CNTNAP5: variants seen among roughly 807,000 people sequenced by gnomAD.
CNTNAP5 encodes contactin-associated protein-like 5.
In CNTNAP5, 72 loss-of-function variants were observed where a neutral mutation model predicts 150.2. That is an observed-to-expected ratio of 0.48 (90% CI 0.40 to 0.58). CNTNAP5 has a LOEUF of 0.58. Ranked by LOEUF, CNTNAP5 falls within the 20% of genes least tolerant of loss-of-function variation. The probability of loss-of-function intolerance (pLI) is 0.00; values close to 1 mark genes in which losing one functional copy is unlikely to be tolerated. For synonymous variants in CNTNAP5, 672 were observed against 619.8 expected (o/e 1.08, Z -1.25); for missense variants, 1,636 against 1,626.2 (o/e 1.01, Z -0.10).
chr2:124,384,720 A>T (rs770978540), intron 3 of CNTNAP5, among the ~76,000 whole-genome samples: 1 of 152,338 alleles, frequency 6.6e-6, no homozygotes, highest in East Asian at 1.9e-4. Flanking sequence ...ATAACTAAGT[A>T]GGCAAACGTG....
chr2:124,204,464 A>C (rs532594889), intron 1 of CNTNAP5, among the ~76,000 whole-genome samples: 1 of 152,274 alleles, frequency 6.6e-6, no homozygotes, highest in Admixed American at 6.5e-5. Flanking sequence ...AGTTGCTTTC[A>C]CATCATTCTG....
intron 1 of CNTNAP5, among the ~76,000 whole-genome samples, chr2:124,177,850 CT>C (rs35920642): frequency 1.6e-3 from 222 of 141,606 alleles, no homozygotes; most frequent in Non-Finnish European, 1.6e-3. Flanking sequence ...TTATGGTTTA[CT>C]TTTTTTTTTT....
At chr2:124,792,892 G>A (rs887247695) in intron 18 of CNTNAP5, among the ~76,000 whole-genome samples, 27 of 152,158 alleles carry the variant, frequency 1.8e-4, no homozygotes, top group African/African-American at 5.3e-4. Flanking sequence ...AGAGTGTTGC[G>A]CAGTGTGAAA....
chr2:124,279,573 A>G (rs1290781129), intron 3 of CNTNAP5, among the ~76,000 whole-genome samples: 3 of 151,898 alleles, frequency 2.0e-5, no homozygotes, highest in Non-Finnish European at 2.9e-5. Context: ...CTATTTTCTT[A>G]TTGAAGACAC....
chr2:124,420,238 C>A (rs974169045), intron 4 of CNTNAP5, among the ~76,000 whole-genome samples: 7 of 151,868 alleles, frequency 4.6e-5, no homozygotes, highest in African/African-American at 1.5e-4. Context: ...ATACACCCAG[C>A]TCGGCCTCCC....
intron 5 of CNTNAP5, among the ~76,000 whole-genome samples, chr2:124,439,932 C>T (rs1002588790): frequency 2.0e-5 from 3 of 152,086 alleles, no homozygotes; most frequent in Non-Finnish European, 1.5e-5. Flanking sequence ...TACTAAGCTA[C>T]ATAACTTACA....
chr2:124,787,621 T>G (rs1681626863), intron 17 of CNTNAP5, among the ~76,000 whole-genome samples: 1 of 152,094 alleles, frequency 6.6e-6, no homozygotes, highest in South Asian at 2.1e-4. Context: ...AAACAGCCCT[T>G]CTCTCCCCAC....
rs73956308 is a variant in CNTNAP5, at chr2:124,514,899, T to C, written c.1328-9404T>C. Among the ~76,000 whole-genome samples the C allele has an allele frequency of 2.4e-3, 368 of 152,302 alleles. 4 individuals are homozygous for C. The highest frequency in any genetic ancestry group is 8.3e-3 in the African/African-American group (344 of 41,564). On this transcript the variant is annotated intron_variant, in intron 8 of 23. Transcript: ENST00000682447. ...CAGGGACCCCAGAGTTTGTGCTGTA[T>C]CTTGGAGAGAATAGGGAAATAACTC...
At chr2:124,889,594 T>A (rs1426470499) in intron 21 of CNTNAP5, among the ~76,000 whole-genome samples, 2 of 152,086 alleles carry the variant, frequency 1.3e-5, no homozygotes, top group East Asian at 1.9e-4. Context: ...ATTTTATGCT[T>A]TTGATTTTAA....
intron 8 of CNTNAP5, among the ~76,000 whole-genome samples, chr2:124,515,267 C>T (rs1694682789): frequency 6.6e-6 from 1 of 152,206 alleles, no homozygotes; most frequent in African/African-American, 2.4e-5. Context: ...GAATGCTGCC[C>T]TGCTGATACT....
intron 1 of CNTNAP5, among the ~76,000 whole-genome samples, chr2:124,041,267 C>T (rs1287484267): frequency 6.6e-6 from 1 of 152,136 alleles, no homozygotes; most frequent in Admixed American, 6.5e-5. Context: ...TTTTTGTTGG[C>T]AAATTCAATT....
At chr2:124,170,671 C>T (rs758120425) in intron 1 of CNTNAP5, among the ~76,000 whole-genome samples, 3 of 152,136 alleles carry the variant, frequency 2.0e-5, no homozygotes, top group African/African-American at 4.8e-5. Flanking sequence ...CCATGGGCCA[C>T]GGTGAGCTGT....
intron 1 of CNTNAP5, among the ~76,000 whole-genome samples, chr2:124,073,853 A>C (rs1682373777): frequency 6.6e-6 from 1 of 152,166 alleles, no homozygotes; most frequent in Admixed American, 6.5e-5. Flanking sequence ...CTCAAAAGAA[A>C]GGAAATCAGT....
At chr2:124,889,689 C>T (rs1013045567) in intron 21 of CNTNAP5, among the ~76,000 whole-genome samples, 4 of 152,138 alleles carry the variant, frequency 2.6e-5, no homozygotes, top group African/African-American at 9.6e-5. Flanking sequence ...TGCAAACACA[C>T]TTCTTGTCTG....
chr2:124,840,140 A>C (rs1404344186), intron 19 of CNTNAP5, among the ~76,000 whole-genome samples: 1 of 152,128 alleles, frequency 6.6e-6, no homozygotes, highest in Non-Finnish European at 1.5e-5. Flanking sequence ...CATCAGGAGG[A>C]GATTCCTGGA....
chr2:124,792,902 A>C (rs1003975686), intron 18 of CNTNAP5, among the ~76,000 whole-genome samples: 6 of 152,158 alleles, frequency 3.9e-5, no homozygotes, highest in African/African-American at 9.7e-5. Flanking sequence ...GCAGTGTGAA[A>C]GCACCACAGT....
At chr2:124,882,569 T>C (rs574668577) in intron 21 of CNTNAP5, among the ~76,000 whole-genome samples, 17 of 152,202 alleles carry the variant, frequency 1.1e-4, no homozygotes, top group Non-Finnish European at 2.5e-4. Flanking sequence ...ATCTTCTCTA[T>C]GAAGGATGAC....
intron 13 of CNTNAP5, 77 bp from the exon 14 acceptor site, chr2:124,747,152 C>A: frequency 1.4e-6 from 2 of 1,389,022 alleles, no homozygotes; most frequent in East Asian, 2.4e-5. Flanking sequence ...AAGATATTTT[C>A]AGCTCAGTTT....
At chr2:124,496,566 AAAT>A (rs1465754405) in intron 7 of CNTNAP5, among the ~76,000 whole-genome samples, 3 of 152,236 alleles carry the variant, frequency 2.0e-5, no homozygotes, top group Middle Eastern at 3.2e-3. Context: ...AAAGTTTTGT[AAAT>A]AACAGCTCAG....
Sources: allele counts gnomAD v4.1 joint callset (sites outside exome capture counted in the v4.1 genomes callset), GRCh38; gene constraint gnomAD v4.1.1; transcripts MANE v1.5; gene names NCBI Gene and HGNC (gene_info 2026-07-23, HGNC 2026-07-21).